Variants in CNIH3 observed in about 807,000 individuals in gnomAD.
The protein encoded by CNIH3 is protein cornichon homolog 3.
A neutral mutation model predicts 24.1 loss-of-function variants in CNIH3; 14 were observed. The observed-to-expected ratio is 0.58, with a 90% confidence interval of 0.38 to 0.91. The LOEUF (loss-of-function observed/expected upper bound fraction) is 0.91. CNIH3 is among the 40% of genes least tolerant of loss of function. CNIH3 has a pLI of 0.00. For synonymous variants in CNIH3, 68 were observed against 73.8 expected, an observed-to-expected ratio of 0.92 and a Z score of 0.40; for missense variants, 178 against 196.8, an observed-to-expected ratio of 0.90 and a Z score of 0.57.
intron 4 of CNIH3, among the ~76,000 whole-genome samples, chr1:224,574,199 G>T (rs1180724157): frequency 6.6e-6 from 1 of 152,018 alleles, no homozygotes; most frequent in Non-Finnish European, 1.5e-5. Flanking sequence ...GGTCCCTATG[G>T]CCATAATAAA....
chr1:224,474,057 T>C (rs1284162853), intron 1 of CNIH3, among the ~76,000 whole-genome samples: 1 of 152,140 alleles, frequency 6.6e-6, no homozygotes, highest in African/African-American at 2.4e-5. Flanking sequence ...AGTGGGTCAA[T>C]GAAGAGATAA....
downstream of CNIH3, among the ~76,000 whole-genome samples, chr1:224,590,578 G>A (rs1049265896): frequency 1.3e-5 from 2 of 152,112 alleles, no homozygotes; most frequent in South Asian, 2.1e-4. Flanking sequence ...CATGGCAGAA[G>A]GTGGAAGGTC....
Position 224,704,477 on chromosome 1 carries a change from T to C in CNIH3, c.198+19634T>C, listed in dbSNP as rs1367096249. Among the ~76,000 whole-genome samples the C allele has an allele frequency of 6.6e-6, 1 of 152,064 alleles. No individual in the cohort carries two copies. Among genetic ancestry groups the C allele is most frequent in the East Asian group, 1.9e-4 (1 of 5,186 alleles). On this transcript the variant is annotated intron_variant, in intron 3 of 5. Transcript: ENST00000272133. This position sits in a 1 kb window ranked among gnomAD's most constrained non-coding sequence, Gnocchi z 4.2. ...TCATTTAACATTTTATTTTGAAAAA[T>C]GTCAAATATAAGGGGATGTTGGAAG...
chr1:224,618,853 A>G (rs6698799), intron 1 of CNIH3, among the ~76,000 whole-genome samples: 36,873 of 152,144 alleles, frequency 0.24, 5,085 homozygotes, highest in African/African-American at 0.38. Context: ...TCTAATCTAT[A>G]GTAGAAAATT....
upstream of CNIH3, among the ~76,000 whole-genome samples, chr1:224,614,134 C>T (rs905472870): frequency 1.3e-5 from 2 of 152,172 alleles, no homozygotes; most frequent in African/African-American, 2.4e-5. Flanking sequence ...CCCACCTCGA[C>T]CTCCCCAAGT....
At chr1:224,669,684 GT>G (rs1190668577) in intron 1 of CNIH3, among the ~76,000 whole-genome samples, 1 of 152,220 alleles carries the variant, frequency 6.6e-6, no homozygotes, top group Non-Finnish European at 1.5e-5. Context: ...GGAAATAAAA[GT>G]GATAATGTTT....
At chr1:224,462,637 ATTTTTT>A (rs34550181) in intron 1 of CNIH3, among the ~76,000 whole-genome samples, 5 of 119,426 alleles carry the variant, frequency 4.2e-5, no homozygotes, top group South Asian at 2.7e-4. Context: ...TCTGGACCCA[ATTTTTT>A]TTTTTTTTTT....
chr1:224,657,710 A>G (rs1045752268), intron 1 of CNIH3, among the ~76,000 whole-genome samples: 3 of 152,182 alleles, frequency 2.0e-5, no homozygotes, highest in Non-Finnish European at 2.9e-5. Flanking sequence ...CCAGTGGCAC[A>G]ATCTCCAAAG....
intron 1 of CNIH3, among the ~76,000 whole-genome samples, chr1:224,637,051 A>C (rs1684121569): frequency 6.6e-6 from 1 of 150,840 alleles, no homozygotes; most frequent in Non-Finnish European, 1.5e-5. Context: ...TCCCGGGTTC[A>C]AGCGATTCTC....
At chr1:224,736,783 T>G (rs1248169824) in intron 5 of CNIH3, among the ~76,000 whole-genome samples, 2 of 152,226 alleles carry the variant, frequency 1.3e-5, no homozygotes, top group Non-Finnish European at 2.9e-5. Context: ...ACCTAAGTCT[T>G]TCTGACTCCA....
At chr1:224,493,896 C>T (rs989192485) in intron 1 of CNIH3, among the ~76,000 whole-genome samples, 2 of 152,160 alleles carry the variant, frequency 1.3e-5, no homozygotes, top group Non-Finnish European at 2.9e-5. Flanking sequence ...ATTAACACCA[C>T]TTTGTGCTTA....
At chr1:224,612,154 G>C (rs1682730111), upstream of CNIH3, among the ~76,000 whole-genome samples, 1 of 152,174 alleles carries the variant, frequency 6.6e-6, no homozygotes, top group African/African-American at 2.4e-5. This position sits in a 1 kb window ranked among gnomAD's most constrained non-coding sequence, Gnocchi z 4.7. Context: ...AGTGAATTCA[G>C]ACCGGTTCTC....
At chr1:224,489,217 C>T (rs939091840) in intron 1 of CNIH3, among the ~76,000 whole-genome samples, 1 of 152,050 alleles carries the variant, frequency 6.6e-6, no homozygotes, top group Non-Finnish European at 1.5e-5. Context: ...AGTGGTAGCT[C>T]ACATTTCTGC....
intron 1 of CNIH3, among the ~76,000 whole-genome samples, chr1:224,618,898 A>G (rs1408693704): frequency 6.6e-6 from 1 of 152,234 alleles, no homozygotes; most frequent in African/African-American, 2.4e-5. Context: ...TTAAGGGAAA[A>G]GGAAACTTAC....
chr1:224,608,521 T>A (rs1027307152), intron 3 of CNIH3, among the ~76,000 whole-genome samples: 4 of 152,082 alleles, frequency 2.6e-5, no homozygotes, highest in African/African-American at 9.7e-5. Context: ...GCACTGGTAA[T>A]CAGAACGGAA....
At chr1:224,606,151 G>C (rs567321102) in intron 3 of CNIH3, among the ~76,000 whole-genome samples, 1 of 152,166 alleles carries the variant, frequency 6.6e-6, no homozygotes, top group Non-Finnish European at 1.5e-5. Context: ...GACCCCCCCA[G>C]ATCCCCAGAG....
intron 1 of CNIH3, among the ~76,000 whole-genome samples, chr1:224,628,252 CCTTAA>C (rs1683640182): frequency 6.6e-6 from 1 of 152,046 alleles, no homozygotes. Context: ...AGTCTGGCTC[CCTTAA>C]CTTAAAAAAA....
In CNIH3 at chr1:224,719,405, G is replaced by C. The variant is rs577414365; in HGVS notation, c.199-11057G>C. Reference sequence around the variant, plus strand: ...TGGAGGAAGAGGATTTTTAAAATTTGCAAGTACTAGAGAGTGAAAAGGAAG... The same window carrying C: ...TGGAGGAAGAGGATTTTTAAAATTTCCAAGTACTAGAGAGTGAAAAGGAAG... On this transcript the variant is annotated intron_variant, in intron 3 of 5. Coordinates refer to ENST00000272133, the MANE Select transcript of CNIH3 (RefSeq NM_152495.2). 4.6e-5 allele frequency among the ~76,000 whole-genome samples: 7 copies of C among 152,204 alleles called. No individual in the cohort carries two copies. The South Asian group carries it at 1.5e-3, about 32-fold the overall frequency.
At chr1:224,724,679 T>C (rs928205302) in intron 3 of CNIH3, among the ~76,000 whole-genome samples, 4 of 152,186 alleles carry the variant, frequency 2.6e-5, no homozygotes, top group Non-Finnish European at 4.4e-5. Flanking sequence ...ATTATTGCTG[T>C]TGAAAACAGG....
Sources: allele counts gnomAD v4.1 joint callset (sites outside exome capture counted in the v4.1 genomes callset), GRCh38; gene constraint gnomAD v4.1.1; non-coding constraint Gnocchi (gnomAD v3.1); transcripts MANE v1.5; gene names NCBI Gene and HGNC (gene_info 2026-07-23, HGNC 2026-07-21).